DCC: variants seen among roughly 807,000 people sequenced by gnomAD.
DCC encodes netrin receptor DCC.
In DCC, 58 loss-of-function variants were observed where a neutral mutation model predicts 172.5. The ratio of observed to expected loss-of-function variants is 0.34; its 90% CI spans 0.27 to 0.42. DCC has a LOEUF of 0.42. DCC is among the 10% of genes least tolerant of loss of function. The pLI is 1.00. For synonymous variants in DCC, 709 were observed against 644.5 expected, an observed-to-expected ratio of 1.10 and a Z score of -1.52; for missense variants, 1,740 against 1,791.0, an observed-to-expected ratio of 0.97 and a Z score of 0.51.
At chr18:53,198,907 T>C (rs1323233625) in intron 9 of DCC, among the ~76,000 whole-genome samples, 1 of 152,110 alleles carries the variant, frequency 6.6e-6, no homozygotes, top group Non-Finnish European at 1.5e-5. Context: ...AAAATTATTG[T>C]CCAACTGAGG....
At chr18:52,437,176 C>G (rs1987822962) in intron 1 of DCC, among the ~76,000 whole-genome samples, 1 of 152,114 alleles carries the variant, frequency 6.6e-6, no homozygotes, top group Admixed American at 6.5e-5. Context: ...ATGTTCCAGT[C>G]TCATTAAGAT....
intron 5 of DCC, among the ~76,000 whole-genome samples, chr18:53,041,651 G>A (rs1568264049): frequency 6.6e-6 from 1 of 152,064 alleles, no homozygotes; most frequent in Non-Finnish European, 1.5e-5. Context: ...CATGAGCATG[G>A]ACTATTTTTC....
intron 1 of DCC, among the ~76,000 whole-genome samples, chr18:52,550,793 T>C (rs779989163): frequency 4.0e-5 from 6 of 151,776 alleles, no homozygotes; most frequent in Non-Finnish European, 8.9e-5. Flanking sequence ...GTGTAACAGA[T>C]GCACTATACT....
intron 9 of DCC, among the ~76,000 whole-genome samples, chr18:53,203,365 C>G (rs1013356485): frequency 2.6e-5 from 4 of 151,780 alleles, no homozygotes; most frequent in African/African-American, 9.7e-5. Context: ...TTAAAATTTC[C>G]TTTGGTTTTA....
chr18:52,523,007 T>G (rs2031867183), intron 1 of DCC, among the ~76,000 whole-genome samples: 1 of 152,176 alleles, frequency 6.6e-6, no homozygotes. Context: ...TGGTATGAAG[T>G]GATTGTCTGT....
At chr18:52,760,403 G>T (rs1050834614) in intron 2 of DCC, among the ~76,000 whole-genome samples, 2 of 152,110 alleles carry the variant, frequency 1.3e-5, no homozygotes, top group African/African-American at 4.8e-5. Flanking sequence ...GATGAGATTT[G>T]GGTGGGGACA....
chr18:52,495,709 G>A (rs1192696309), intron 1 of DCC, among the ~76,000 whole-genome samples: 1 of 151,872 alleles, frequency 6.6e-6, no homozygotes, highest in African/African-American at 2.4e-5. Flanking sequence ...AGCTTGAGAA[G>A]CTGTAAAGGC....
intron 5 of DCC, among the ~76,000 whole-genome samples, chr18:53,044,871 A>G (rs9949949): frequency 0.64 from 96,416 of 151,612 alleles, 31,557 homozygotes; most frequent in African/African-American, 0.74. Context: ...GAGTGCAAAA[A>G]CATTCAAGGG....
intron 22 of DCC, among the ~76,000 whole-genome samples, chr18:53,446,124 ACACTT>A (rs1912596012): frequency 6.2e-4 from 73 of 117,142 alleles, no homozygotes; most frequent in Middle Eastern, 5.6e-3. Context: ...ACAAAAAAAA[ACACTT>A]AAAAATTTTC....
intron 2 of DCC, among the ~76,000 whole-genome samples, chr18:52,800,230 A>ACTTTGATGAATAT (rs1450941600): frequency 6.6e-6 from 1 of 152,180 alleles, no homozygotes; most frequent in African/African-American, 2.4e-5. Flanking sequence ...AGTGTTCCCC[A>ACTTTGATGAATAT]GCTAATACTG....
At chr18:53,305,984 A>C (rs2057196061) in intron 13 of DCC, among the ~76,000 whole-genome samples, 1 of 152,222 alleles carries the variant, frequency 6.6e-6, no homozygotes, top group Non-Finnish European at 1.5e-5. Flanking sequence ...TTGCTGATTC[A>C]ACAAAAGCAT....
chr18:52,734,947 C>T (rs932818684), intron 1 of DCC, among the ~76,000 whole-genome samples: 8 of 152,000 alleles, frequency 5.3e-5, no homozygotes, highest in African/African-American at 1.9e-4. Context: ...GTTTGAAAGC[C>T]CTGATACTTG....
intron 1 of DCC, among the ~76,000 whole-genome samples, chr18:52,711,452 C>G (rs535801332): frequency 1.4e-4 from 21 of 152,290 alleles, no homozygotes; most frequent in African/African-American, 4.6e-4. Flanking sequence ...GCTTGACACA[C>G]AGAAGGACCT....
At chr18:52,578,648 C>T (rs910974611) in intron 1 of DCC, among the ~76,000 whole-genome samples, 1 of 152,044 alleles carries the variant, frequency 6.6e-6, no homozygotes, top group African/African-American at 2.4e-5. Context: ...AAGGCACTTG[C>T]CTTATGAAAC....
chr18:53,431,198 G>A (rs1172088946), intron 21 of DCC, among the ~76,000 whole-genome samples: 2 of 151,402 alleles, frequency 1.3e-5, no homozygotes, highest in Non-Finnish European at 2.9e-5. Context: ...TTTTGTTTCT[G>A]AAGCTACCAT....
intron 5 of DCC, among the ~76,000 whole-genome samples, chr18:52,946,253 C>G (rs1236229962): frequency 3.9e-5 from 6 of 152,270 alleles, no homozygotes. Flanking sequence ...TTCTGATGAC[C>G]AGAGATCAGC....
intron 5 of DCC, among the ~76,000 whole-genome samples, chr18:52,970,341 CATTTA>C (rs1160358488): frequency 2.6e-5 from 4 of 152,042 alleles, no homozygotes; most frequent in Non-Finnish European, 4.4e-5. Flanking sequence ...AAGACTGTAA[CATTTA>C]ATTTATCTGT....
chr18:52,922,805 A>AT (rs766547775), intron 3 of DCC, among the ~76,000 whole-genome samples: 5 of 152,258 alleles, frequency 3.3e-5, no homozygotes, highest in Non-Finnish European at 7.4e-5. Flanking sequence ...ATAGGAAGGT[A>AT]AATAGAAGCT....
intron 1 of DCC, among the ~76,000 whole-genome samples, chr18:52,478,831 A>G (rs942619499): frequency 6.6e-6 from 1 of 152,188 alleles, no homozygotes; most frequent in Admixed American, 6.5e-5. Flanking sequence ...CACCCCCATG[A>G]TCCAGTAACT....
Sources: allele counts gnomAD v4.1 joint callset (sites outside exome capture counted in the v4.1 genomes callset), GRCh38; gene constraint gnomAD v4.1.1; transcripts MANE v1.5; gene names NCBI Gene and HGNC (gene_info 2026-07-23, HGNC 2026-07-21).